The following KCNH1 variants were observed in gnomAD, a reference collection of about 807,000 sequenced individuals.
The protein encoded by KCNH1 is potassium voltage-gated channel subfamily H member 1.
In KCNH1, 27 loss-of-function variants were observed where a neutral mutation model predicts 69.2. The observed-to-expected ratio is 0.39, with a 90% CI of 0.29 to 0.54. The LOEUF (loss-of-function observed/expected upper bound fraction) is 0.54. KCNH1 is among the 20% of genes least tolerant of loss of function. The pLI, the probability that KCNH1 is intolerant of heterozygous loss-of-function variation, is 0.68. For missense variants in KCNH1, 798 were observed against 1,261.6 expected, an observed-to-expected ratio of 0.63 and a Z score of 5.57; for synonymous variants, 456 against 487.7, an observed-to-expected ratio of 0.93 and a Z score of 0.86.
chr1:210,753,948 TC>T (rs148883247), intron 10 of KCNH1, among the ~76,000 whole-genome samples: 2,791 of 150,898 alleles, frequency 0.018, 87 homozygotes, highest in African/African-American at 0.064. Context: ...GGAGTCTCGC[TC>T]CTTTGCCCAG....
At chr1:211,097,081 G>A (rs1393337874) in intron 3 of KCNH1, among the ~76,000 whole-genome samples, 1 of 152,106 alleles carries the variant, frequency 6.6e-6, no homozygotes, top group Admixed American at 6.6e-5. Context: ...ATTACAAGAG[G>A]GTTCCTAGAG....
chr1:211,009,124 G>A (rs1161544571), intron 6 of KCNH1, among the ~76,000 whole-genome samples: 1 of 152,150 alleles, frequency 6.6e-6, no homozygotes, highest in Non-Finnish European at 1.5e-5. Flanking sequence ...GTGCCTGATA[G>A]GCCACCATTG....
At chr1:210,827,223 C>T (rs1685050762) in intron 7 of KCNH1, among the ~76,000 whole-genome samples, 1 of 152,114 alleles carries the variant, frequency 6.6e-6, no homozygotes, top group Non-Finnish European at 1.5e-5. Flanking sequence ...GTAATCCCAG[C>T]TACTCAGGAG....
At chr1:210,796,656 C>A (rs1315671407) in intron 9 of KCNH1, among the ~76,000 whole-genome samples, 2 of 152,148 alleles carry the variant, frequency 1.3e-5, no homozygotes, top group Non-Finnish European at 2.9e-5. Flanking sequence ...CTGACTCCTC[C>A]TTCCCCGCCA....
chr1:210,719,692 C>G (rs1682404815), intron 10 of KCNH1, among the ~76,000 whole-genome samples: 1 of 151,948 alleles, frequency 6.6e-6, no homozygotes, highest in Non-Finnish European at 1.5e-5. Flanking sequence ...GCACATGTAT[C>G]TCAGAACTTA....
chr1:211,117,531 TAGAG>T (rs1691603402), intron 1 of KCNH1, among the ~76,000 whole-genome samples: 1 of 152,126 alleles, frequency 6.6e-6, no homozygotes, highest in African/African-American at 2.4e-5. Context: ...AGAGCCAGCC[TAGAG>T]AGAAAGAGGT....
chr1:210,711,938 A>G lies in KCNH1; in HGVS notation c.2113-27800T>C, dbSNP rs1682086395. ...ACCCCAGGCTTAGACAGTTTCCCTC[A>G]CCTAGGTGGCCACAGTCCCACATAT... On this transcript the variant is annotated intron_variant, in intron 10 of 10. Transcript: ENST00000271751. Among the ~76,000 whole-genome samples, 3 of 152,156 alleles carry G rather than the reference A, an allele frequency of 2.0e-5. No individual in the cohort carries two copies. The South Asian group carries it at 6.2e-4, about 32-fold the overall frequency.
At chr1:210,869,678 CT>C (rs1686195455) in intron 7 of KCNH1, among the ~76,000 whole-genome samples, 1 of 151,968 alleles carries the variant, frequency 6.6e-6, no homozygotes, top group Non-Finnish European at 1.5e-5. Flanking sequence ...CTTTTTTAGG[CT>C]TTATTAAAAC....
At chr1:211,090,853 G>C (rs1691039319) in intron 3 of KCNH1, among the ~76,000 whole-genome samples, 163 bp from the exon 4 acceptor site, 1 of 151,916 alleles carries the variant, frequency 6.6e-6, no homozygotes. Flanking sequence ...TTTTTTTCTT[G>C]CTGGAATAAA....
chr1:210,894,247 T>G (rs1395242005), intron 7 of KCNH1, among the ~76,000 whole-genome samples: 1 of 152,216 alleles, frequency 6.6e-6, no homozygotes, highest in African/African-American at 2.4e-5. Context: ...AACTTGATCC[T>G]TTGAGTCTTA....
At chr1:210,753,167 T>C (rs1246029829) in intron 10 of KCNH1, among the ~76,000 whole-genome samples, 1 of 152,180 alleles carries the variant, frequency 6.6e-6, no homozygotes, top group African/African-American at 2.4e-5. Context: ...AAATTTATGA[T>C]AATCTGCTAC....
intron 6 of KCNH1, among the ~76,000 whole-genome samples, chr1:210,948,263 A>G (rs1177001234): frequency 6.6e-6 from 1 of 152,160 alleles, no homozygotes; most frequent in African/African-American, 2.4e-5. Context: ...GCAGTACAGA[A>G]ATACATGCTC....
rs369407168 is a variant in KCNH1 at position 210,899,823 on chromosome 1, A to C, written c.1462+19817T>G. On this transcript the variant is annotated intron_variant, in intron 7 of 10. Coordinates refer to ENST00000271751, the MANE Select transcript of KCNH1 (RefSeq NM_172362.3). ...TCTTGCCCAAGGTCTCACAGCCATTAGCTAAGCAGAACAGAATTCAAGCCT... is the reference window on the plus strand; with the variant it reads ...TCTTGCCCAAGGTCTCACAGCCATTCGCTAAGCAGAACAGAATTCAAGCCT... 8.5e-5 allele frequency among the ~76,000 whole-genome samples: 13 copies of C among 152,374 alleles called. No homozygotes were observed. The East Asian group carries it at 1.2e-3, about 14-fold the overall frequency.
At chr1:210,893,666 A>C (rs1297972915) in intron 7 of KCNH1, among the ~76,000 whole-genome samples, 2 of 151,984 alleles carry the variant, frequency 1.3e-5, no homozygotes, top group African/African-American at 4.8e-5. Flanking sequence ...AAGCAGCCTC[A>C]CAAGCCAGAG....
At chr1:210,745,686 C>T (rs78453127) in intron 10 of KCNH1, among the ~76,000 whole-genome samples, 3,193 of 152,238 alleles carry the variant, frequency 0.021, 76 homozygotes, top group Admixed American at 0.067. Context: ...CAGATAAACC[C>T]GCTCCCACCC....
At chr1:210,803,216 C>T (rs1436459498) in intron 8 of KCNH1, among the ~76,000 whole-genome samples, 1 of 152,200 alleles carries the variant, frequency 6.6e-6, no homozygotes, top group Admixed American at 6.5e-5. Context: ...AATTCTCCTG[C>T]CTCAGCCTCC....
intron 7 of KCNH1, among the ~76,000 whole-genome samples, chr1:210,826,849 C>T (rs1348460142): frequency 2.0e-5 from 3 of 152,314 alleles, no homozygotes; most frequent in African/African-American, 7.2e-5. Flanking sequence ...TACCTATCCC[C>T]TCCTATCCAG....
chr1:210,711,430 G>A (rs909629456), intron 10 of KCNH1, among the ~76,000 whole-genome samples: 3 of 152,154 alleles, frequency 2.0e-5, no homozygotes, highest in Non-Finnish European at 2.9e-5. Flanking sequence ...GCCTTAGCCC[G>A]GGGCCTATGG....
chr1:211,009,713 A>T (rs1689358005), intron 6 of KCNH1, among the ~76,000 whole-genome samples: 1 of 151,794 alleles, frequency 6.6e-6, no homozygotes, highest in Non-Finnish European at 1.5e-5. Context: ...GGTTCAAGCA[A>T]TTCTCCTGCC....
Sources: gnomAD v4.1 joint callset for allele counts (sites outside exome capture counted in the v4.1 genomes callset) on GRCh38, gnomAD v4.1.1 for gene constraint, MANE v1.5 for transcripts, NCBI Gene and HGNC (gene_info 2026-07-23, HGNC 2026-07-21) for gene names.